Variants in ZNF469 observed in about 807,000 individuals in gnomAD.
ZNF469 encodes zinc finger protein 469.
ZNF469 carries 1 observed loss-of-function variant against 1.0 expected under a neutral mutation model. The observed-to-expected ratio is 1.00, with a 90% CI of 0.35 to 4.73. ZNF469 has a LOEUF of 4.73. Ranked by LOEUF, ZNF469 falls within the 30% of genes most tolerant of loss-of-function variation. The probability of loss-of-function intolerance (pLI) is 0.16; values close to 1 mark genes in which losing one functional copy is unlikely to be tolerated. For synonymous variants in ZNF469, 2,703 were observed against 2,363.4 expected, an observed-to-expected ratio of 1.14 and a Z score of -4.17; for missense variants, 6,100 against 5,356.3, an observed-to-expected ratio of 1.14 and a Z score of -4.33.
the ZNF469 span, among the ~76,000 whole-genome samples, chr16:88,307,565 T>C: frequency 2.2e-4 from 33 of 152,246 alleles, no homozygotes; most frequent in Admixed American, 7.9e-4. Flanking sequence ...CATCTCATTG[T>C]GGTTTTGATT....
chr16:88,115,793 G>A, the ZNF469 span, among the ~76,000 whole-genome samples: 79 of 152,238 alleles, frequency 5.2e-4, no homozygotes, highest in African/African-American at 1.9e-3. Context: ...CCTTCTAGCT[G>A]TATTCCTTCC....
chr16:88,393,537 G>A lies in ZNF469; in HGVS notation c.-192+10283G>A, dbSNP rs530991809. Among the ~76,000 whole-genome samples the A allele has an allele frequency of 1.9e-3, 289 of 152,372 alleles. 2 individuals are homozygous for A. Among genetic ancestry groups the A allele is most frequent in the African/African-American group, 6.5e-3 (271 of 41,598 alleles). On this transcript the variant is annotated intron_variant, in intron 1 of 2. Transcript: ENST00000565624. ...AAGCCCTGCTGTGTCCTGTGGCCCA[G>A]GGTGGGCAGAGCCCAGGAGCCCATC...
the ZNF469 span, among the ~76,000 whole-genome samples, chr16:88,125,016 A>G: frequency 2.0e-5 from 3 of 152,212 alleles, no homozygotes; most frequent in Admixed American, 2.0e-4. Context: ...TTTCTAGATT[A>G]AGCTTTTATA....
chr16:88,175,230 C>A, the ZNF469 span, among the ~76,000 whole-genome samples: 1 of 152,188 alleles, frequency 6.6e-6, no homozygotes, highest in African/African-American at 2.4e-5. Flanking sequence ...GATTGGGTAA[C>A]TGGGACTGTA....
At chr16:88,160,242 A>C in the ZNF469 span, among the ~76,000 whole-genome samples, 1 of 152,258 alleles carries the variant, frequency 6.6e-6, no homozygotes, top group Non-Finnish European at 1.5e-5. Context: ...TGGAGCAAAG[A>C]GACGGCAAAT....
At chr16:88,170,094 T>A in the ZNF469 span, among the ~76,000 whole-genome samples, 2 of 152,110 alleles carry the variant, frequency 1.3e-5, no homozygotes, top group Admixed American at 1.3e-4. This position sits in a 1 kb window ranked among gnomAD's most constrained non-coding sequence, Gnocchi z 4.2. Context: ...TGTGGGTGAG[T>A]CACTTAACCT....
chr16:88,429,502 G>A lies in ZNF469; in HGVS notation c.2032G>A (p.Ala678Thr), dbSNP rs1450705969. 2.6e-6 allele frequency: 4 copies of A among 1,549,906 alleles called. No homozygotes were observed. Among genetic ancestry groups the A allele is most frequent in the African/African-American group, 2.7e-5 (2 of 73,000 alleles). The change falls in exon 3 of 3, where the codon GCC becomes ACC. Residue 678 changes from alanine to threonine, a missense_variant. Physicochemically the swap from Ala to Thr is moderately conservative, Grantham distance 58. Coordinates refer to ENST00000565624, the MANE Select transcript of ZNF469 (RefSeq NM_001367624.2). ...CCCTTTTCCCGCAGATGGGCTGGGA[G>A]CCGAGGGTGCCTTCCAGTGCCTGGA... is the stretch of plus-strand genomic sequence containing the variant. ...AFPFPADGLG[A>T]EGAFQCLEET...
chr16:88,375,280 C>G, the ZNF469 span, among the ~76,000 whole-genome samples: 1 of 152,252 alleles, frequency 6.6e-6, no homozygotes, highest in Non-Finnish European at 1.5e-5. Context: ...GGCCACCATT[C>G]ATCTCTCTCA....
chr16:88,382,990 T>C lies in ZNF469; in HGVS notation c.-456T>C, dbSNP rs1396368030. 6.6e-6 allele frequency among the ~76,000 whole-genome samples: 1 copy of C among 151,418 alleles called. No homozygotes were observed. Among genetic ancestry groups the C allele is most frequent in the Non-Finnish European group, 1.5e-5 (1 of 67,792 alleles). On this transcript the variant is annotated 5_prime_UTR_variant, in exon 1 of 3. Transcript: ENST00000565624. ...CGCGGCCGCCGGCCGGCGTCCGGCC[T>C]TCCCAGCACCCGGCCCAGGGCTGGA...
chr16:88,127,346 A>G, the ZNF469 span, among the ~76,000 whole-genome samples: 1 of 152,220 alleles, frequency 6.6e-6, no homozygotes, highest in East Asian at 1.9e-4. Flanking sequence ...GAATTCAGCA[A>G]CGAATCCCTG....
At chr16:88,331,961 C>T in the ZNF469 span, among the ~76,000 whole-genome samples, 1 of 152,210 alleles carries the variant, frequency 6.6e-6, no homozygotes, top group Non-Finnish European at 1.5e-5. Context: ...AATATGAAGG[C>T]CTGGCATGGC....
the ZNF469 span, among the ~76,000 whole-genome samples, chr16:88,196,329 C>G: frequency 6.6e-6 from 1 of 152,178 alleles, no homozygotes; most frequent in East Asian, 1.9e-4. Flanking sequence ...AAAGCTGGCT[C>G]TGAATGACGT....
Position 88,424,232 on chromosome 16 carries a change from C to T in ZNF469, c.-191-575C>T, listed in dbSNP as rs78433026. ...GGACAGAGAGTGAGAAACCTCTTCA[C>T]GGAATGTTGTGGGATTATCTACAGG... On this transcript the variant is annotated intron_variant, in intron 1 of 2. Transcript: ENST00000565624. This position sits in a 1 kb window ranked among gnomAD's most constrained non-coding sequence, Gnocchi z 4.3. 0.03 allele frequency among the ~76,000 whole-genome samples: 4,598 copies of T among 152,180 alleles called. 104 individuals are homozygous for T. Among genetic ancestry groups the T allele is most frequent in the East Asian group, 0.084 (433 of 5,170 alleles).
At chr16:88,403,344 G>A (rs529865214) in intron 1 of ZNF469, among the ~76,000 whole-genome samples, 27 of 152,234 alleles carry the variant, frequency 1.8e-4, no homozygotes, top group South Asian at 6.2e-4. Context: ...AATCCTCTGC[G>A]TGGGTTTGGT....
At chr16:88,267,291 G>T in the ZNF469 span, among the ~76,000 whole-genome samples, 1 of 152,190 alleles carries the variant, frequency 6.6e-6, no homozygotes, top group African/African-American at 2.4e-5. Flanking sequence ...TTCTTTCCCT[G>T]TGGCCCCGTT....
the ZNF469 span, among the ~76,000 whole-genome samples, chr16:88,233,677 C>T: frequency 2.6e-5 from 4 of 152,258 alleles, no homozygotes; most frequent in African/African-American, 9.6e-5. Context: ...CCCACTCTCC[C>T]ACCAGGGGAA....
At position 88,430,619 on chromosome 16, in the gene ZNF469, T is replaced by C. The variant is rs1334975687; in HGVS notation, c.3149T>C (p.Leu1050Pro). ...KARGGAWGKE[L>P]ILKIVQQKNR... ...CGGGGCGGCGCCTGGGGCAAGGAGC[T>C]CATTCTGAAGATCGTGCAGCAGAAG... The change falls in exon 3 of 3, where the codon CTC (leucine) becomes CCC (proline). Residue 1050 changes from leucine (L) to proline (P), a missense_variant. Physicochemically the swap from Leu to Pro is moderately conservative, Grantham distance 98. Coordinates refer to ENST00000565624, the MANE Select transcript of ZNF469 (RefSeq NM_001367624.2). 6.7e-7 allele frequency: 1 copy of C among 1,501,434 alleles called. No homozygotes were observed. Among genetic ancestry groups the C allele is most frequent in the South Asian group, 1.2e-5 (1 of 80,468 alleles). The allele number at this position is 1,501,434 out of a possible 1,614,324, so 93.0% of individuals were successfully genotyped here.
the ZNF469 span, among the ~76,000 whole-genome samples, chr16:88,156,422 A>G: frequency 6.6e-6 from 1 of 152,174 alleles, no homozygotes; most frequent in Non-Finnish European, 1.5e-5. Flanking sequence ...GGTGTGAGGT[A>G]GGGGTTCAGC....
the ZNF469 span, among the ~76,000 whole-genome samples, chr16:88,299,833 C>A: frequency 7.7e-3 from 1,171 of 152,304 alleles, 8 homozygotes; most frequent in Middle Eastern, 0.034. Flanking sequence ...ATGGACTTCT[C>A]CATGGGGGTT....
Sources: gnomAD v4.1 joint callset for allele counts (sites outside exome capture counted in the v4.1 genomes callset) on GRCh38, gnomAD v4.1.1 for gene constraint, Gnocchi (gnomAD v3.1) non-coding constraint, MANE v1.5 for transcripts, NCBI Gene and HGNC (gene_info 2026-07-23, HGNC 2026-07-21) for gene names.